The following SMAP1 variants were observed in gnomAD, a reference collection of about 807,000 sequenced individuals.
The protein encoded by SMAP1 is small ArfGAP 1.
SMAP1 carries 24 observed loss-of-function variants against 58.5 expected under a neutral mutation model. The ratio of observed to expected loss-of-function variants is 0.41; its 90% confidence interval spans 0.30 to 0.58. The LOEUF (loss-of-function observed/expected upper bound fraction) is 0.58, where lower values mean the gene tolerates loss of function less well. Among genes scored for constraint, SMAP1 ranks in the 20% least tolerant of loss-of-function variants. The probability of loss-of-function intolerance (pLI) is 0.29; values close to 1 mark genes in which losing one functional copy is unlikely to be tolerated. For synonymous variants in SMAP1, 216 were observed against 196.6 expected (o/e 1.10, Z -0.82); for missense variants, 563 against 566.3 (o/e 0.99, Z 0.06).
chr6:70,721,757 G>A (rs1247439646), intron 1 of SMAP1, among the ~76,000 whole-genome samples: 3 of 152,176 alleles, frequency 2.0e-5, no homozygotes, highest in Non-Finnish European at 2.9e-5. Flanking sequence ...GAAGTGAAAG[G>A]CACTTCTTAC....
intron 1 of SMAP1, among the ~76,000 whole-genome samples, chr6:70,722,776 C>T (rs1255993736): frequency 2.6e-5 from 4 of 152,258 alleles, no homozygotes; most frequent in Non-Finnish European, 5.9e-5. Flanking sequence ...ACAGATCGCT[C>T]ATGCTATTTT....
intron 6 of SMAP1, among the ~76,000 whole-genome samples, chr6:70,809,095 T>C (rs1769276834): frequency 6.6e-6 from 1 of 152,202 alleles, no homozygotes; most frequent in African/African-American, 2.4e-5. Flanking sequence ...ATTAGCTTCT[T>C]GACGTTTTTA....
chr6:70,690,552 C>T lies in SMAP1; in HGVS notation c.118+22411C>T, dbSNP rs188390719. The stretch of plus-strand genomic sequence containing the variant: ...AACTCCTGACCTCAGGTGATTTGCC[C>T]GCCTTGGCCTCCCAAAGTGCTGGGA... On this transcript the variant is annotated intron_variant, in intron 1 of 10. Coordinates refer to ENST00000370455, the MANE Select transcript of SMAP1 (RefSeq NM_001044305.3). 1.9e-3 allele frequency among the ~76,000 whole-genome samples: 282 copies of T among 152,052 alleles called. 1 individual carries two copies. Among genetic ancestry groups the T allele is most frequent in the East Asian group, 1.5e-3 (8 of 5,166 alleles).
At chr6:70,728,790 A>G (rs983679891) in intron 1 of SMAP1, among the ~76,000 whole-genome samples, 5 of 152,238 alleles carry the variant, frequency 3.3e-5, no homozygotes, top group African/African-American at 1.2e-4. Context: ...AAATGGTGCG[A>G]GAGTGTAAAC....
chr6:70,760,246 A>G (rs1442538579), intron 3 of SMAP1, among the ~76,000 whole-genome samples: 1 of 152,096 alleles, frequency 6.6e-6, no homozygotes, highest in African/African-American at 2.4e-5. Context: ...CTTTTGGATT[A>G]ACTATATATT....
rs9455206 is a variant in SMAP1, at chr6:70,676,275, A to C, written c.118+8134A>C. Among the ~76,000 whole-genome samples the C allele has an allele frequency of 6.3e-3, 960 of 152,296 alleles. 6 individuals carry two copies. The highest frequency in any genetic ancestry group is 0.022 in the African/African-American group (918 of 41,570). ...ACTGAACATGAGGGTGGTCTTGGGG[A>C]ACTCAAAGCATAATTGGTAATATAT... On this transcript the variant is annotated intron_variant, in intron 1 of 10. Coordinates refer to ENST00000370455, the MANE Select transcript of SMAP1 (RefSeq NM_001044305.3).
At chr6:70,857,747 A>C in intron 9 of SMAP1, 175 bp from the exon 10 acceptor site, 1 of 619,980 alleles carries the variant, frequency 1.6e-6, no homozygotes, top group East Asian at 2.8e-5. Context: ...TGCATCCTAG[A>C]AACAACCAGC....
At chr6:70,781,738 C>T (rs1034670015) in intron 4 of SMAP1, among the ~76,000 whole-genome samples, 2 of 152,170 alleles carry the variant, frequency 1.3e-5, no homozygotes, top group African/African-American at 4.8e-5. Flanking sequence ...AAATTTTAAA[C>T]ATTATGCTTT....
In SMAP1 at chr6:70,668,072, C is replaced by T. The variant is rs910793338; in HGVS notation, c.49C>T (p.His17Tyr). 6.2e-7 allele frequency: 1 copy of T among 1,605,830 alleles called. No homozygotes were observed. Among genetic ancestry groups the T allele is most frequent in the South Asian group, 1.1e-5 (1 of 90,068 alleles). The change falls in exon 1 of 11, where the codon CAC (histidine) becomes TAC (tyrosine). Residue 17 changes from histidine to tyrosine, a missense_variant. By Grantham distance (83) the His-to-Tyr change is moderately conservative (BLOSUM62 2). This residue lies in a region of SMAP1 where 52 missense variants were observed against 46.6 expected (regional missense o/e 1.11). Coordinates refer to ENST00000370455, the MANE Select transcript of SMAP1 (RefSeq NM_001044305.3). ...REKAQKLNEQ[H>Y]QLILSKLLRE... The stretch of plus-strand genomic sequence containing the variant: ...GAAGGCTCAGAAGCTGAACGAGCAG[C>T]ACCAGCTCATCCTATCCAAGCTTCT...
At chr6:70,690,312 T>G (rs1003747999) in intron 1 of SMAP1, among the ~76,000 whole-genome samples, 16 of 152,156 alleles carry the variant, frequency 1.1e-4, no homozygotes, top group African/African-American at 3.9e-4. Context: ...AAATCTTTTT[T>G]TTTTGTTTTT....
intron 4 of SMAP1, among the ~76,000 whole-genome samples, chr6:70,783,551 T>C (rs1767860179): frequency 6.6e-6 from 1 of 152,010 alleles, no homozygotes; most frequent in Admixed American, 6.5e-5. Flanking sequence ...TTAAAAACTT[T>C]GAAAAAAAAT....
Position 70,858,153 on chromosome 6 carries a change from T to G in SMAP1, c.1193T>G (p.Met398Arg), listed in dbSNP as rs1205119468. Residue 398 changes from methionine (M) to arginine (R), a missense_variant, in exon 10 of 11, where the codon ATG (methionine) becomes AGG (arginine). By Grantham distance (91) the Met-to-Arg change is moderately conservative. Around this residue, in one of 3 missense-constraint regions of SMAP1, gnomAD observed 494 missense variants for 473.8 expected, o/e 1.04. Transcript: ENST00000370455. ...PQNVVGPQGG[M>R]VGQMGAPQSK... ...AACGTTGTTGGCCCCCAAGGAGGAATGGTGGGACAAATGGGTGCACCCCAG... is the reference window on the plus strand; with the variant it reads ...AACGTTGTTGGCCCCCAAGGAGGAAGGGTGGGACAAATGGGTGCACCCCAG... The G allele has an allele frequency of 6.2e-6, 10 of 1,613,900 alleles. No individual in the cohort carries two copies. Among genetic ancestry groups the G allele is most frequent in the African/African-American group, 1.3e-5 (1 of 74,900 alleles).
intron 2 of SMAP1, among the ~76,000 whole-genome samples, chr6:70,748,209 G>A (rs1031765227): frequency 1.3e-5 from 2 of 152,078 alleles, no homozygotes; most frequent in Non-Finnish European, 2.9e-5. Context: ...GTAGAGGTGA[G>A]TTACTGCCAT....
In SMAP1 at chr6:70,805,572, G is replaced by T. The variant is rs147355760; in HGVS notation, c.576+6835G>T. Among the ~76,000 whole-genome samples the T allele has an allele frequency of 3.0e-3, 456 of 152,308 alleles. 3 individuals carry two copies. The highest frequency in any genetic ancestry group is 0.01 in the African/African-American group (425 of 41,572). The stretch of plus-strand genomic sequence containing the variant: ...GGCGAGGAGCTGTGATGCTTTGGAA[G>T]AGAAGAGGGGCTCTGGTTTTATAAT... On this transcript the variant is annotated intron_variant, in intron 6 of 10. Coordinates refer to ENST00000370455, the MANE Select transcript of SMAP1 (RefSeq NM_001044305.3).
chr6:70,746,584 T>C (rs1280089520), intron 2 of SMAP1, among the ~76,000 whole-genome samples: 2 of 152,226 alleles, frequency 1.3e-5, no homozygotes, highest in African/African-American at 2.4e-5. Flanking sequence ...CAGTATCTTA[T>C]TGAGGATTTT....
At chr6:70,842,535 C>T (rs994636576) in intron 7 of SMAP1, among the ~76,000 whole-genome samples, 1 of 152,142 alleles carries the variant, frequency 6.6e-6, no homozygotes, top group Non-Finnish European at 1.5e-5. Flanking sequence ...CAGCACAGAA[C>T]CTCCAGAGAA....
At chr6:70,707,208 T>G (rs1767875301) in intron 1 of SMAP1, among the ~76,000 whole-genome samples, 2 of 152,202 alleles carry the variant, frequency 1.3e-5, no homozygotes, top group South Asian at 2.1e-4. Context: ...CATTTGAGCT[T>G]GATTTGTTTA....
intron 4 of SMAP1, among the ~76,000 whole-genome samples, chr6:70,775,120 G>T (rs1006930645): frequency 4.6e-5 from 7 of 152,056 alleles, no homozygotes; most frequent in African/African-American, 1.7e-4. Flanking sequence ...GAGGAAATCT[G>T]TTGAAGGGTT....
At chr6:70,684,281 T>G (rs914726980) in intron 1 of SMAP1, among the ~76,000 whole-genome samples, 2 of 152,208 alleles carry the variant, frequency 1.3e-5, no homozygotes, top group Non-Finnish European at 2.9e-5. Context: ...AATATTTTTG[T>G]GTTTGAGAGA....
Sources: gnomAD v4.1 joint callset for allele counts (sites outside exome capture counted in the v4.1 genomes callset) on GRCh38, gnomAD v4.1.1 for gene constraint, gnomAD v4.1.1 regional missense constraint, MANE v1.5 for transcripts, NCBI Gene and HGNC (gene_info 2026-07-23, HGNC 2026-07-21) for gene names.